Variants in ATP6V0A4 observed in about 807,000 individuals in gnomAD.
ATP6V0A4 encodes V-type proton ATPase 116 kDa subunit a 4.
Under a neutral mutation model 107.3 loss-of-function variants are expected in ATP6V0A4, and 86 were observed. That is an observed-to-expected ratio of 0.80 (90% confidence interval 0.67 to 0.96). The LOEUF (loss-of-function observed/expected upper bound fraction) is 0.96. Ranked by LOEUF, ATP6V0A4 falls within the 40% of genes least tolerant of loss-of-function variation. The pLI is 0.00. For synonymous variants in ATP6V0A4, 353 were observed against 381.4 expected (o/e 0.93, Z 0.87); for missense variants, 908 against 1,045.6 (o/e 0.87, Z 1.81).
intron 1 of ATP6V0A4, among the ~76,000 whole-genome samples, chr7:138,792,769 T>TC (rs1563025259): frequency 1.2e-5 from 1 of 80,370 alleles, no homozygotes; most frequent in Admixed American, 1.3e-4. Flanking sequence ...CAGGTTTGTT[T>TC]TTTTTTTTGT....
chr7:138,749,482 C>A (rs1806123781), intron 11 of ATP6V0A4, 165 bp from the exon 12 acceptor site: 2 of 221,642 alleles, frequency 9.0e-6, no homozygotes, highest in African/African-American at 4.7e-5. Flanking sequence ...GAGTTAATAC[C>A]TTCCCAATAC....
intron 1 of ATP6V0A4, among the ~76,000 whole-genome samples, 193 bp from the exon 2 acceptor site, chr7:138,786,453 T>C (rs753147418): frequency 1.3e-5 from 2 of 151,340 alleles, no homozygotes; most frequent in Non-Finnish European, 2.9e-5. Context: ...GTGGCATGCA[T>C]CTCTAGTCCC....
chr7:138,774,789 A>G (rs1401371331), intron 2 of ATP6V0A4, among the ~76,000 whole-genome samples: 2 of 151,848 alleles, frequency 1.3e-5, no homozygotes, highest in Non-Finnish European at 2.9e-5. Flanking sequence ...TCACCATCCT[A>G]TCAACTATTA....
At position 138,763,528 on chromosome 7, in the gene ATP6V0A4, C is replaced by T. The variant is rs184505448; in HGVS notation, c.292-503G>A. On this transcript the variant is annotated intron_variant, in intron 5 of 21. Coordinates refer to ENST00000310018, the MANE Select transcript of ATP6V0A4 (RefSeq NM_020632.3). ...CTGTAATCCCAGCTACCCAGGAGGC[C>T]GAGGCAGGAGAGTTATTTGAACCCG... Among the ~76,000 whole-genome samples the T allele has an allele frequency of 2.7e-3, 403 of 151,908 alleles. 4 individuals are homozygous for T. Among genetic ancestry groups the T allele is most frequent in the African/African-American group, 9.4e-3 (389 of 41,410 alleles).
chr7:138,762,733 C>T (rs148067475), intron 6 of ATP6V0A4, among the ~76,000 whole-genome samples, 167 bp downstream of exon 6: 2 of 152,136 alleles, frequency 1.3e-5, no homozygotes, highest in Non-Finnish European at 2.9e-5. Flanking sequence ...TCAATCCAAC[C>T]AGCACTACAA....
intron 19 of ATP6V0A4, among the ~76,000 whole-genome samples, chr7:138,719,438 C>G (rs1229466832): frequency 6.6e-6 from 1 of 152,170 alleles, no homozygotes; most frequent in Non-Finnish European, 1.5e-5. Flanking sequence ...GAATGATCTG[C>G]AAGGTGGGAG....
At chr7:138,770,842 A>G (rs1250193536) in intron 3 of ATP6V0A4, among the ~76,000 whole-genome samples, 1 of 152,222 alleles carries the variant, frequency 6.6e-6, no homozygotes, top group Admixed American at 6.5e-5. Context: ...AAGATGCTAC[A>G]TAAGAGAAAA....
At chr7:138,777,039 C>T (rs183046663) in intron 2 of ATP6V0A4, among the ~76,000 whole-genome samples, 2 of 152,014 alleles carry the variant, frequency 1.3e-5, no homozygotes, top group East Asian at 2.0e-4. Context: ...ATCCCAGCTA[C>T]TCAGGAGGCT....
chr7:138,718,148 A>AG (rs1271049712), intron 19 of ATP6V0A4, among the ~76,000 whole-genome samples: 59 of 29,756 alleles, frequency 2.0e-3, no homozygotes, highest in South Asian at 3.4e-3. Flanking sequence ...TCCAGGAAGG[A>AG]AGGGGGGATG....
chr7:138,706,590 C>G lies in ATP6V0A4; in HGVS notation c.*34G>C. 6.2e-7 allele frequency: 1 copy of G among 1,612,314 alleles called. No homozygotes were observed. The highest frequency in any genetic ancestry group is 8.5e-7 in the Non-Finnish European group (1 of 1,178,756). Reference sequence around the variant, plus strand: ...GACAAGACTGAACTTCCTTCATTGGCATGGTGACCACCGTGGGAGGTGCAG... The same window carrying G: ...GACAAGACTGAACTTCCTTCATTGGGATGGTGACCACCGTGGGAGGTGCAG... On this transcript the variant is annotated 3_prime_UTR_variant, in exon 22 of 22. Transcript: ENST00000310018.
At chr7:138,734,464 G>T (rs1562990868) in intron 15 of ATP6V0A4, 1 of 283,832 alleles carries the variant, frequency 3.5e-6, no homozygotes, top group Non-Finnish European at 5.3e-6. Context: ...AAAAGTAACA[G>T]GATCATTAGT....
intron 18 of ATP6V0A4, among the ~76,000 whole-genome samples, chr7:138,725,115 A>T (rs987944235): frequency 3.2e-4 from 49 of 152,224 alleles, no homozygotes; most frequent in African/African-American, 1.2e-3. Context: ...TACCAAAAAA[A>T]TTAAAAAATA....
chr7:138,783,189 T>A (rs2130193124), intron 2 of ATP6V0A4, among the ~76,000 whole-genome samples: 1 of 151,254 alleles, frequency 6.6e-6, no homozygotes, highest in East Asian at 1.9e-4. Flanking sequence ...CAGGAGAGGG[T>A]TTTATTTATT....
chr7:138,723,074 A>C (rs1284686732), intron 18 of ATP6V0A4, among the ~76,000 whole-genome samples: 1 of 148,448 alleles, frequency 6.7e-6, no homozygotes, highest in East Asian at 2.0e-4. Context: ...AAAAAAAAAG[A>C]AAAATATGTG....
intron 15 of ATP6V0A4, among the ~76,000 whole-genome samples, chr7:138,737,565 C>T (rs1351219007): frequency 7.0e-6 from 1 of 143,756 alleles, no homozygotes; most frequent in Non-Finnish European, 1.5e-5. Flanking sequence ...AAGGCAACTC[C>T]CGCTTTTCTT....
intron 4 of ATP6V0A4, 81 bp from the exon 5 acceptor site, chr7:138,768,955 G>C: frequency 6.3e-7 from 1 of 1,592,456 alleles, no homozygotes. Flanking sequence ...CAAGACATGT[G>C]CCTTTCACTC....
intron 2 of ATP6V0A4, among the ~76,000 whole-genome samples, chr7:138,782,164 T>C (rs1281319664): frequency 6.6e-6 from 1 of 152,212 alleles, no homozygotes; most frequent in Non-Finnish European, 1.5e-5. Flanking sequence ...GAAATCAAGA[T>C]GCCACGCAAG....
intron 20 of ATP6V0A4, among the ~76,000 whole-genome samples, chr7:138,711,325 T>G (rs1803733050): frequency 6.6e-6 from 1 of 152,204 alleles, no homozygotes; most frequent in Non-Finnish European, 1.5e-5. Context: ...GGGCTCTCAC[T>G]GTCCAACCTA....
At position 138,778,886 on chromosome 7, in the gene ATP6V0A4, C is replaced by T. The variant is rs141634391; in HGVS notation, c.-18+7272G>A. ...CCATCCATTGGTAATAAGCTCCCCT[C>T]CCCCGATCATTGATGGTGAAGATCA... is the stretch of plus-strand genomic sequence containing the variant. On this transcript the variant is annotated intron_variant, in intron 2 of 21. Transcript: ENST00000310018. Among the ~76,000 whole-genome samples, 420 of 152,248 alleles carry T rather than the reference C, an allele frequency of 2.8e-3. 1 individual carries two copies. Among genetic ancestry groups the T allele is most frequent in the Non-Finnish European group, 4.7e-3 (319 of 68,026 alleles).
Sources: gnomAD v4.1 joint callset for allele counts (sites outside exome capture counted in the v4.1 genomes callset) on GRCh38, gnomAD v4.1.1 for gene constraint, MANE v1.5 for transcripts, NCBI Gene and HGNC (gene_info 2026-07-23, HGNC 2026-07-21) for gene names.